GFRA1: variants seen among roughly 807,000 people sequenced by gnomAD.
The protein encoded by GFRA1 is GDNF family receptor alpha 1.
GFRA1 carries 16 observed loss-of-function variants against 51.6 expected under a neutral mutation model. That is an observed-to-expected ratio of 0.31 (90% confidence interval 0.21 to 0.47). The LOEUF (loss-of-function observed/expected upper bound fraction) is 0.47, where lower values mean the gene tolerates loss of function less well. GFRA1 is among the 20% of genes least tolerant of loss of function. The pLI is 1.00. For missense variants in GFRA1, 530 were observed against 594.3 expected, an observed-to-expected ratio of 0.89 and a Z score of 1.13; for synonymous variants, 270 against 241.3, an observed-to-expected ratio of 1.12 and a Z score of -1.10.
intron 4 of GFRA1, among the ~76,000 whole-genome samples, chr10:116,242,256 T>C (rs1020873043): frequency 1.3e-5 from 2 of 152,194 alleles, no homozygotes; most frequent in Non-Finnish European, 2.9e-5. Flanking sequence ...CTGGTTACAA[T>C]TATGTGCAGA....
intron 5 of GFRA1, among the ~76,000 whole-genome samples, chr10:116,196,860 C>T (rs1963925869): frequency 8.1e-6 from 1 of 123,632 alleles, no homozygotes. Context: ...TTTTTTCCCT[C>T]CCACAGTTCT....
chr10:116,257,926 AGGCTGTTGCCTCT>A, intron 4 of GFRA1, among the ~76,000 whole-genome samples: 2 of 152,160 alleles, frequency 1.3e-5, no homozygotes, highest in African/African-American at 2.4e-5. Context: ...GCCTTTGCCC[AGGCTGTTGCCTCT>A]GCCTGGAATG....
At chr10:116,091,020 A>C (rs1956311204) in intron 8 of GFRA1, among the ~76,000 whole-genome samples, 1 of 152,220 alleles carries the variant, frequency 6.6e-6, no homozygotes, top group Non-Finnish European at 1.5e-5. Flanking sequence ...CCATGGCTTA[A>C]CTGGTGAGTG....
At chr10:116,179,819 A>G (rs1270203676) in intron 5 of GFRA1, among the ~76,000 whole-genome samples, 3 of 152,200 alleles carry the variant, frequency 2.0e-5, no homozygotes, top group Non-Finnish European at 4.4e-5. Context: ...GGGCTTTGGA[A>G]GCGAGCAGAT....
intron 5 of GFRA1, among the ~76,000 whole-genome samples, chr10:116,175,402 G>A (rs1961486074): frequency 6.6e-6 from 1 of 152,180 alleles, no homozygotes; most frequent in African/African-American, 2.4e-5. Flanking sequence ...GAGCAAGCAG[G>A]AGCTCAGCAG....
At chr10:116,085,785 T>C (rs1004311733) in intron 9 of GFRA1, among the ~76,000 whole-genome samples, 1 of 152,184 alleles carries the variant, frequency 6.6e-6, no homozygotes, top group Admixed American at 6.5e-5. Flanking sequence ...ACTGGCAAAC[T>C]GTCAGTCCTT....
At chr10:116,177,997 T>C (rs1961798917) in intron 5 of GFRA1, among the ~76,000 whole-genome samples, 1 of 152,096 alleles carries the variant, frequency 6.6e-6, no homozygotes, top group African/African-American at 2.4e-5. Context: ...GTCCAACAGT[T>C]ACTCCTTCAG....
chr10:116,109,097 T>C (rs1026703002), intron 6 of GFRA1, among the ~76,000 whole-genome samples: 3 of 152,160 alleles, frequency 2.0e-5, no homozygotes, highest in Admixed American at 6.5e-5. Context: ...ACCTGTGTCA[T>C]TTTTGAGCAG....
At chr10:116,116,064 C>T (rs567899027) in intron 6 of GFRA1, among the ~76,000 whole-genome samples, 7 of 152,312 alleles carry the variant, frequency 4.6e-5, no homozygotes, top group African/African-American at 1.7e-4. Context: ...TTGCTTCCAT[C>T]ACACCTTTCA....
intron 5 of GFRA1, among the ~76,000 whole-genome samples, chr10:116,171,257 C>T (rs3781537): frequency 0.59 from 89,263 of 152,082 alleles, 26,164 homozygotes; most frequent in Middle Eastern, 0.64. Context: ...TTATTTCCGA[C>T]GTAGGTACAT....
chr10:116,246,664 A>C (rs1255236131), intron 4 of GFRA1, among the ~76,000 whole-genome samples: 1 of 152,236 alleles, frequency 6.6e-6, no homozygotes, highest in Non-Finnish European at 1.5e-5. Flanking sequence ...TAAGCAAAGA[A>C]ACAGGTTATT....
chr10:116,273,650 T>C (rs1195265659), upstream of GFRA1, among the ~76,000 whole-genome samples: 1 of 5,638 alleles, frequency 1.8e-4, no homozygotes, highest in East Asian at 7.5e-3. Flanking sequence ...ACACACACTC[T>C]CTCTCTCTCT....
chr10:116,071,930 G>A lies in GFRA1; in HGVS notation c.1198-6304C>T, dbSNP rs116276398. Among the ~76,000 whole-genome samples the A allele has an allele frequency of 6.6e-3, 997 of 151,856 alleles. 11 individuals carry two copies. Among genetic ancestry groups the A allele is most frequent in the African/African-American group, 0.023 (956 of 41,386 alleles). ...TGCATAAGCCACGCCTATAATTCCT[G>A]GTCTACAGTTCCTGGTTTCAGTTTC... On this transcript the variant is annotated intron_variant, in intron 9 of 10. Coordinates refer to ENST00000355422, the MANE Select transcript of GFRA1 (RefSeq NM_005264.8).
intron 5 of GFRA1, among the ~76,000 whole-genome samples, chr10:116,146,557 G>A (rs900103770): frequency 6.6e-6 from 1 of 152,198 alleles, no homozygotes; most frequent in Non-Finnish European, 1.5e-5. Flanking sequence ...TCCATGTCAT[G>A]TTGCTGGTGA....
intron 5 of GFRA1, among the ~76,000 whole-genome samples, chr10:116,135,538 AAT>A (rs763652636): frequency 1.3e-5 from 2 of 152,214 alleles, no homozygotes; most frequent in Non-Finnish European, 2.9e-5. Flanking sequence ...TTATTTCTAA[AAT>A]ATGCATGTCT....
At chr10:116,265,558 T>C (rs1291051953) in intron 4 of GFRA1, among the ~76,000 whole-genome samples, 1 of 152,228 alleles carries the variant, frequency 6.6e-6, no homozygotes, top group South Asian at 2.1e-4. Context: ...AACAGGTTCA[T>C]CATCCTTTCA....
chr10:116,274,191 C>T (rs1170166095), upstream of GFRA1, among the ~76,000 whole-genome samples: 2 of 143,660 alleles, frequency 1.4e-5, no homozygotes, highest in African/African-American at 5.0e-5. Flanking sequence ...GACACACGCT[C>T]CCCTTCCCGC....
chr10:116,162,358 C>T (rs1249641326), intron 5 of GFRA1, among the ~76,000 whole-genome samples: 4 of 152,214 alleles, frequency 2.6e-5, no homozygotes, highest in African/African-American at 4.8e-5. Flanking sequence ...GGATGTATCT[C>T]GCCACAGGCC....
At chr10:116,213,771 G>A (rs905222861) in intron 4 of GFRA1, among the ~76,000 whole-genome samples, 2 of 152,060 alleles carry the variant, frequency 1.3e-5, no homozygotes, top group Non-Finnish European at 2.9e-5. Flanking sequence ...CACTCCACTT[G>A]GGCACACATG....
Sources: gnomAD v4.1 joint callset for allele counts (sites outside exome capture counted in the v4.1 genomes callset) on GRCh38, gnomAD v4.1.1 for gene constraint, MANE v1.5 for transcripts, NCBI Gene and HGNC (gene_info 2026-07-23, HGNC 2026-07-21) for gene names.